The following TMEM132D variants were observed in gnomAD, a reference collection of about 807,000 sequenced individuals.
TMEM132D encodes mature OL transmembrane protein.
TMEM132D carries 21 observed loss-of-function variants against 62.3 expected under a neutral mutation model. The observed-to-expected ratio is 0.34, with a 90% CI of 0.24 to 0.49. The LOEUF (loss-of-function observed/expected upper bound fraction) is 0.49, where lower values mean the gene tolerates loss of function less well. Among genes scored for constraint, TMEM132D ranks in the 20% least tolerant of loss-of-function variants. The pLI, the probability that TMEM132D is intolerant of heterozygous loss-of-function variation, is 0.99. For missense variants in TMEM132D, 1,346 were observed against 1,402.8 expected (o/e 0.96, Z 0.65); for synonymous variants, 621 against 575.6 (o/e 1.08, Z -1.13).
At chr12:129,587,424 A>G (rs1878060808) in intron 2 of TMEM132D, among the ~76,000 whole-genome samples, 1 of 152,318 alleles carries the variant, frequency 6.6e-6, no homozygotes, top group African/African-American at 2.4e-5. Context: ...AGGATCAGGA[A>G]AAATAACTAA....
At chr12:129,270,198 TATC>T (rs1472512909) in intron 4 of TMEM132D, among the ~76,000 whole-genome samples, 2 of 139,734 alleles carry the variant, frequency 1.4e-5, no homozygotes, top group African/African-American at 4.9e-5. Flanking sequence ...AGCAATAATT[TATC>T]ATCTGTATCT....
At chr12:129,149,761 G>A (rs1057245974) in intron 5 of TMEM132D, among the ~76,000 whole-genome samples, 1 of 152,210 alleles carries the variant, frequency 6.6e-6, no homozygotes, top group East Asian at 1.9e-4. Context: ...AACACTGGGG[G>A]GCTGGGAGCC....
intron 3 of TMEM132D, among the ~76,000 whole-genome samples, chr12:129,470,666 G>T (rs1399525436): frequency 6.6e-6 from 1 of 152,182 alleles, no homozygotes; most frequent in Non-Finnish European, 1.5e-5. Flanking sequence ...TCGGCATCAT[G>T]TCTCATGACA....
At chr12:129,096,525 C>T (rs758134421) in intron 5 of TMEM132D, among the ~76,000 whole-genome samples, 1 of 152,176 alleles carries the variant, frequency 6.6e-6, no homozygotes, top group Non-Finnish European at 1.5e-5. Flanking sequence ...GACCCTTGAA[C>T]CACCATCTTT....
intron 1 of TMEM132D, among the ~76,000 whole-genome samples, chr12:129,760,749 C>T (rs113696023): frequency 1.2e-4 from 18 of 151,904 alleles, no homozygotes; most frequent in African/African-American, 3.9e-4. Flanking sequence ...CACCCATCAA[C>T]CCCTCCTCTA....
At chr12:129,848,031 T>TA (rs1873419166) in intron 1 of TMEM132D, among the ~76,000 whole-genome samples, 1 of 152,048 alleles carries the variant, frequency 6.6e-6, no homozygotes, top group African/African-American at 2.4e-5. Context: ...GCACTTTATG[T>TA]AAGTTGTGGT....
At chr12:129,169,987 G>A (rs977351878) in intron 5 of TMEM132D, 6 of 152,118 alleles carry the variant, frequency 3.9e-5, no homozygotes, top group African/African-American at 1.4e-4. Flanking sequence ...GATCTATTTA[G>A]CACCTGCAAT....
intron 4 of TMEM132D, among the ~76,000 whole-genome samples, chr12:129,278,244 A>G (rs1489752909): frequency 5.9e-5 from 9 of 152,264 alleles, no homozygotes; most frequent in African/African-American, 2.2e-4. Flanking sequence ...GTGCTGGGCA[A>G]GGGAGACCCA....
chr12:129,740,312 C>T (rs1259053670), intron 1 of TMEM132D, among the ~76,000 whole-genome samples: 1 of 152,172 alleles, frequency 6.6e-6, no homozygotes, highest in Non-Finnish European at 1.5e-5. Context: ...ATAGTCAGGT[C>T]TCTATATCTT....
In TMEM132D at chr12:129,619,188, A is replaced by G. The variant is rs375926064; in HGVS notation, c.968+80622T>C. On this transcript the variant is annotated intron_variant, in intron 2 of 8. Transcript: ENST00000422113. The stretch of plus-strand genomic sequence containing the variant: ...ACCCCTTCTTCCATCATAGCCTAAA[A>G]TCGATTTTCAGGTTAACTCTGAAAT... 2.1e-3 allele frequency among the ~76,000 whole-genome samples: 327 copies of G among 152,284 alleles called. 12 individuals carry two copies. In the South Asian group the frequency reaches 0.066, roughly 31 times the overall value.
At chr12:129,784,399 A>G (rs1214439702) in intron 1 of TMEM132D, among the ~76,000 whole-genome samples, 2 of 151,588 alleles carry the variant, frequency 1.3e-5, no homozygotes, top group African/African-American at 4.8e-5. Flanking sequence ...TATTTTTAAA[A>G]TATTTTTTTT....
At chr12:129,252,665 A>G (rs184781035) in intron 4 of TMEM132D, among the ~76,000 whole-genome samples, 37 of 152,292 alleles carry the variant, frequency 2.4e-4, no homozygotes, top group Non-Finnish European at 4.6e-4. Context: ...AAGAAATACC[A>G]TTTGACCCAG....
chr12:129,427,232 G>A (rs1381084428), intron 3 of TMEM132D, among the ~76,000 whole-genome samples: 2 of 152,212 alleles, frequency 1.3e-5, no homozygotes, highest in Non-Finnish European at 2.9e-5. Context: ...CATACGGGGT[G>A]AAGCCTCAGG....
At chr12:129,539,468 G>T (rs543626536) in intron 2 of TMEM132D, among the ~76,000 whole-genome samples, 1 of 149,098 alleles carries the variant, frequency 6.7e-6, no homozygotes, top group African/African-American at 2.5e-5. Flanking sequence ...GCAATGGCGC[G>T]ATCTCAGCTC....
Position 129,260,622 on chromosome 12 carries a change from G to C in TMEM132D, c.1300-50959C>G, listed in dbSNP as rs550573378. On this transcript the variant is annotated intron_variant, in intron 4 of 8. Coordinates refer to ENST00000422113, the MANE Select transcript of TMEM132D (RefSeq NM_133448.3). ...ACTTTAGTGCATTTTCACTGGAGAAGTGCACAGTGTACCCAATATGTAGTG... is the reference window on the plus strand; with the variant it reads ...ACTTTAGTGCATTTTCACTGGAGAACTGCACAGTGTACCCAATATGTAGTG... Among the ~76,000 whole-genome samples, 90 of 152,266 alleles carry C rather than the reference G, an allele frequency of 5.9e-4. 1 individual carries two copies. The highest frequency in any genetic ancestry group is 2.0e-3 in the African/African-American group (84 of 41,558).
intron 3 of TMEM132D, among the ~76,000 whole-genome samples, chr12:129,394,580 G>C (rs1871370290): frequency 6.6e-6 from 1 of 152,222 alleles, no homozygotes; most frequent in African/African-American, 2.4e-5. Flanking sequence ...AGAAGGGGGA[G>C]ACAGAGGGAC....
chr12:129,447,937 G>T (rs369707566), intron 3 of TMEM132D, among the ~76,000 whole-genome samples: 1 of 152,172 alleles, frequency 6.6e-6, no homozygotes, highest in African/African-American at 2.4e-5. Flanking sequence ...CCAGCAAACA[G>T]TGAGTGCTTG....
At chr12:129,107,188 C>CA (rs1467842095) in intron 5 of TMEM132D, among the ~76,000 whole-genome samples, 1 of 152,134 alleles carries the variant, frequency 6.6e-6, no homozygotes, top group Non-Finnish European at 1.5e-5. Flanking sequence ...GAAACCATAA[C>CA]AAGAGAAAAA....
intron 1 of TMEM132D, among the ~76,000 whole-genome samples, chr12:129,713,552 T>A (rs1868455534): frequency 6.6e-6 from 1 of 152,192 alleles, no homozygotes; most frequent in East Asian, 1.9e-4. Context: ...GACAATCTGA[T>A]GAGCAGCTTT....
Sources: gnomAD v4.1 joint callset for allele counts (sites outside exome capture counted in the v4.1 genomes callset) on GRCh38, gnomAD v4.1.1 for gene constraint, MANE v1.5 for transcripts, NCBI Gene and HGNC (gene_info 2026-07-23, HGNC 2026-07-21) for gene names.